Variants in ADAMTSL3 observed in about 807,000 individuals in gnomAD.
The protein encoded by ADAMTSL3 is ADAMTS-like protein 3.
ADAMTSL3 carries 128 observed loss-of-function variants against 201.7 expected under a neutral mutation model. That is an observed-to-expected ratio of 0.63 (90% CI 0.55 to 0.73). The LOEUF is 0.73. Ranked by LOEUF, ADAMTSL3 falls within the 30% of genes least tolerant of loss-of-function variation. The pLI is 0.00. For synonymous variants in ADAMTSL3, 738 were observed against 748.4 expected, an observed-to-expected ratio of 0.99 and a Z score of 0.23; for missense variants, 1,990 against 2,119.6, an observed-to-expected ratio of 0.94 and a Z score of 1.20.
chr15:83,981,960 A>G (rs929434388), intron 20 of ADAMTSL3, among the ~76,000 whole-genome samples: 1 of 152,184 alleles, frequency 6.6e-6, no homozygotes, highest in South Asian at 2.1e-4. Context: ...TCTAGAAATA[A>G]CTATTCCCTA....
chr15:83,805,950 A>C (rs1161272664), intron 5 of ADAMTSL3, among the ~76,000 whole-genome samples: 1 of 152,202 alleles, frequency 6.6e-6, no homozygotes, highest in Non-Finnish European at 1.5e-5. Flanking sequence ...CAGTCCTCAC[A>C]GGCCCTGAGC....
chr15:84,017,598 G>A (rs944984483), intron 25 of ADAMTSL3, among the ~76,000 whole-genome samples: 1 of 152,182 alleles, frequency 6.6e-6, no homozygotes, highest in African/African-American at 2.4e-5. Context: ...CTCCTGAGGT[G>A]CAAGAGAGAG....
At chr15:83,802,417 T>C (rs1327438440) in intron 4 of ADAMTSL3, among the ~76,000 whole-genome samples, 2 of 152,202 alleles carry the variant, frequency 1.3e-5, no homozygotes, top group Non-Finnish European at 2.9e-5. Context: ...TGAATGTTTA[T>C]AGCATTTTTT....
intron 2 of ADAMTSL3, among the ~76,000 whole-genome samples, chr15:83,698,718 G>A (rs1009071203): frequency 3.9e-5 from 6 of 152,152 alleles, no homozygotes; most frequent in Non-Finnish European, 4.4e-5. Flanking sequence ...TTCTGAAGCC[G>A]TGTGTGAACT....
At chr15:84,010,195 A>G (rs952441961) in intron 23 of ADAMTSL3, among the ~76,000 whole-genome samples, 1 of 152,234 alleles carries the variant, frequency 6.6e-6, no homozygotes, top group Non-Finnish European at 1.5e-5. Flanking sequence ...AATTGTGTAT[A>G]TGTTGTGGAG....
intron 3 of ADAMTSL3, among the ~76,000 whole-genome samples, chr15:83,746,237 C>T (rs1193260796): frequency 6.6e-6 from 1 of 151,554 alleles, no homozygotes; most frequent in African/African-American, 2.4e-5. Context: ...GAAGCACCGA[C>T]AGAAAATGAC....
chr15:84,020,503 A>C (rs549096010), intron 25 of ADAMTSL3, among the ~76,000 whole-genome samples: 1 of 152,358 alleles, frequency 6.6e-6, no homozygotes, highest in African/African-American at 2.4e-5. Flanking sequence ...AATGTATTTT[A>C]CATTTTTGCT....
At chr15:83,869,324 A>G (rs1486511160) in intron 8 of ADAMTSL3, among the ~76,000 whole-genome samples, 1 of 152,076 alleles carries the variant, frequency 6.6e-6, no homozygotes, top group Non-Finnish European at 1.5e-5. Context: ...TCAGTTTTAT[A>G]TCTTCATTGG....
chr15:83,922,968 C>T (rs1017454393), intron 16 of ADAMTSL3, among the ~76,000 whole-genome samples: 2 of 152,048 alleles, frequency 1.3e-5, no homozygotes, highest in Admixed American at 6.5e-5. Flanking sequence ...CATCTTGTTC[C>T]GTCTGATTTT....
At chr15:83,721,766 C>G (rs1018844175) in intron 3 of ADAMTSL3, among the ~76,000 whole-genome samples, 1 of 152,040 alleles carries the variant, frequency 6.6e-6, no homozygotes, top group South Asian at 2.1e-4. Flanking sequence ...GGAGTCTTGC[C>G]CTGTTGCCCA....
At chr15:83,739,459 A>G (rs1390283598) in intron 3 of ADAMTSL3, among the ~76,000 whole-genome samples, 2 of 150,732 alleles carry the variant, frequency 1.3e-5, no homozygotes, top group Non-Finnish European at 2.9e-5. Flanking sequence ...TATTCACAAA[A>G]TAATTTAAAA....
At chr15:83,886,419 T>C (rs926871398) in intron 10 of ADAMTSL3, among the ~76,000 whole-genome samples, 1 of 152,198 alleles carries the variant, frequency 6.6e-6, no homozygotes, top group Non-Finnish European at 1.5e-5. Context: ...TTTATTCCTG[T>C]CTTATGCATG....
intron 4 of ADAMTSL3, 38 bp from the exon 5 acceptor site, chr15:83,804,612 A>G (rs1257682622): frequency 3.7e-6 from 5 of 1,336,290 alleles, no homozygotes; most frequent in Middle Eastern, 1.9e-4. Flanking sequence ...CTTCTATGAA[A>G]TCATTATTTC....
intron 20 of ADAMTSL3, among the ~76,000 whole-genome samples, chr15:83,973,327 G>C (rs1279629690): frequency 2.0e-5 from 3 of 152,098 alleles, no homozygotes; most frequent in Non-Finnish European, 2.9e-5. Context: ...CCCAGTTTCT[G>C]CTCTTGCACT....
chr15:83,757,422 AGCTGAGTG>A (rs138286342), intron 3 of ADAMTSL3, among the ~76,000 whole-genome samples: 152 of 151,488 alleles, frequency 1.0e-3, no homozygotes, highest in Admixed American at 4.0e-3. Flanking sequence ...GGCCCCTTTT[AGCTGAGTG>A]GCTGAGTGGC....
chr15:83,900,098 A>G (rs1161809507), intron 15 of ADAMTSL3, among the ~76,000 whole-genome samples: 1 of 152,254 alleles, frequency 6.6e-6, no homozygotes, highest in Non-Finnish European at 1.5e-5. Flanking sequence ...GTCAATCTCT[A>G]TAAAATCAAT....
At chr15:83,861,986 G>C (rs1182045355) in intron 8 of ADAMTSL3, 1 of 152,190 alleles carries the variant, frequency 6.6e-6, no homozygotes, top group Non-Finnish European at 1.5e-5. Context: ...AGCCTCAGTA[G>C]CCAATTCGAT....
At chr15:83,678,797 A>ATTT (rs1555429358) in intron 2 of ADAMTSL3, among the ~76,000 whole-genome samples, 7 of 139,356 alleles carry the variant, frequency 5.0e-5, no homozygotes, top group Non-Finnish European at 1.1e-4. Context: ...ATGTATATAT[A>ATTT]ATATATATTT....
chr15:83,989,402 A>C (rs2067543883), intron 22 of ADAMTSL3, among the ~76,000 whole-genome samples: 1 of 152,212 alleles, frequency 6.6e-6, no homozygotes, highest in Non-Finnish European at 1.5e-5. Flanking sequence ...GCTGCTCAGG[A>C]ACTCACTTTC....
Sources: allele counts gnomAD v4.1 joint callset (sites outside exome capture counted in the v4.1 genomes callset), GRCh38; gene constraint gnomAD v4.1.1; transcripts MANE v1.5; gene names NCBI Gene and HGNC (gene_info 2026-07-23, HGNC 2026-07-21).